GABRB2: variants seen among roughly 807,000 people sequenced by gnomAD.
The protein encoded by GABRB2 is gamma-aminobutyric acid type A receptor subunit beta2, also known as gamma-aminobutyric acid receptor subunit beta-2.
A neutral mutation model predicts 54.7 loss-of-function variants in GABRB2; 16 were observed. That is an observed-to-expected ratio of 0.29 (90% CI 0.20 to 0.44). The LOEUF (loss-of-function observed/expected upper bound fraction) is 0.44. GABRB2 is among the 20% of genes least tolerant of loss of function. The probability of loss-of-function intolerance (pLI) is 1.00; values close to 1 mark genes in which losing one functional copy is unlikely to be tolerated. For synonymous variants in GABRB2, 244 were observed against 233.8 expected, an observed-to-expected ratio of 1.04 and a Z score of -0.40; for missense variants, 355 against 644.0, an observed-to-expected ratio of 0.55 and a Z score of 4.86.
At chr5:161,506,897 G>A (rs1321014834) in intron 3 of GABRB2, among the ~76,000 whole-genome samples, 1 of 152,072 alleles carries the variant, frequency 6.6e-6, no homozygotes, top group Non-Finnish European at 1.5e-5. Context: ...TAGAAAAAAT[G>A]ATTTTCTACC....
chr5:161,319,446 G>GT (rs1321880766), intron 9 of GABRB2, among the ~76,000 whole-genome samples: 9 of 147,824 alleles, frequency 6.1e-5, no homozygotes, highest in African/African-American at 2.2e-4. Context: ...TATATATAAA[G>GT]TTTTTCACCC....
At chr5:161,466,892 G>C (rs1401277548) in intron 3 of GABRB2, among the ~76,000 whole-genome samples, 1 of 151,978 alleles carries the variant, frequency 6.6e-6, no homozygotes, top group Non-Finnish European at 1.5e-5. Flanking sequence ...GCATGGCTAT[G>C]TATATGGGGA....
intron 3 of GABRB2, among the ~76,000 whole-genome samples, chr5:161,508,816 CAT>C (rs1759680815): frequency 6.6e-6 from 1 of 151,964 alleles, no homozygotes; most frequent in Non-Finnish European, 1.5e-5. Flanking sequence ...TAATTGGTTG[CAT>C]ATGTCACATA....
chr5:161,539,643 T>G (rs1413210583), intron 3 of GABRB2, among the ~76,000 whole-genome samples: 1 of 151,992 alleles, frequency 6.6e-6, no homozygotes, highest in Non-Finnish European at 1.5e-5. Flanking sequence ...GCAGCTGGAG[T>G]GGACATTGGG....
rs766478928 is a variant in GABRB2 at position 161,362,551 on chromosome 5, C to T, written c.542-25782G>A. 3.9e-5 allele frequency among the ~76,000 whole-genome samples: 6 copies of T among 152,120 alleles called. No homozygotes were observed. The East Asian group carries it at 9.6e-4, about 24-fold the overall frequency. On this transcript the variant is annotated intron_variant, in intron 5 of 9. Coordinates refer to ENST00000393959, the MANE Select transcript of GABRB2 (RefSeq NM_001371727.1). The stretch of plus-strand genomic sequence containing the variant: ...AATGGGATCTAATTAAACTAAAGAG[C>T]TTCTGCACAGCAAAAGAAACTTTCA...
intron 5 of GABRB2, among the ~76,000 whole-genome samples, chr5:161,369,857 C>A (rs1023045863): frequency 1.3e-5 from 2 of 152,130 alleles, no homozygotes; most frequent in Non-Finnish European, 2.9e-5. Flanking sequence ...TCTTACTGTG[C>A]ATCTAACTTG....
chr5:161,504,631 C>A (rs138137124), intron 3 of GABRB2, among the ~76,000 whole-genome samples: 1 of 150,408 alleles, frequency 6.6e-6, no homozygotes, highest in Admixed American at 6.6e-5. Flanking sequence ...CTAGGATAAA[C>A]CTTAACGAAT....
chr5:161,508,165 T>C (rs1459994147), intron 3 of GABRB2, among the ~76,000 whole-genome samples: 1 of 151,726 alleles, frequency 6.6e-6, no homozygotes, highest in Non-Finnish European at 1.5e-5. Flanking sequence ...AAGAGATTTC[T>C]AGATATAAAC....
chr5:161,511,009 T>A (rs1372767341), intron 3 of GABRB2, among the ~76,000 whole-genome samples: 1 of 152,018 alleles, frequency 6.6e-6, no homozygotes, highest in African/African-American at 2.4e-5. Context: ...AACAGTATTT[T>A]GATTATTTGT....
chr5:161,483,402 G>T (rs745938687), intron 3 of GABRB2, among the ~76,000 whole-genome samples: 13 of 151,930 alleles, frequency 8.6e-5, no homozygotes, highest in Admixed American at 2.6e-4. Flanking sequence ...AATGAATAAA[G>T]AAAAGGATTC....
intron 5 of GABRB2, among the ~76,000 whole-genome samples, chr5:161,406,761 G>C (rs912812642): frequency 1.6e-4 from 24 of 152,182 alleles, no homozygotes; most frequent in Admixed American, 5.2e-4. Flanking sequence ...TTCTGATGCT[G>C]TCACAAAGGG....
intron 4 of GABRB2, among the ~76,000 whole-genome samples, chr5:161,446,432 C>T (rs139009318): frequency 3.4e-4 from 51 of 152,224 alleles, no homozygotes; most frequent in African/African-American, 9.9e-4. Flanking sequence ...TGAATAATTG[C>T]ATTCAGCTAT....
At chr5:161,442,458 C>T (rs1757496250) in intron 4 of GABRB2, among the ~76,000 whole-genome samples, 1 of 152,162 alleles carries the variant, frequency 6.6e-6, no homozygotes, top group South Asian at 2.1e-4. Context: ...GGCCTGTAGC[C>T]ATATGGAAAA....
chr5:161,463,549 TTTTATTTATATATATATATATA>T (rs1461260164), intron 3 of GABRB2, among the ~76,000 whole-genome samples: 53 of 54,488 alleles, frequency 9.7e-4, no homozygotes, highest in East Asian at 9.5e-3. Context: ...TTCCAAATAT[TTTTATTTATATATATATATATA>T]TATATATATA....
intron 5 of GABRB2, among the ~76,000 whole-genome samples, chr5:161,345,562 T>C (rs1258674564): frequency 6.6e-6 from 1 of 152,128 alleles, no homozygotes; most frequent in Non-Finnish European, 1.5e-5. Flanking sequence ...GTTCAAGTTA[T>C]TTCAGTTACT....
Position 161,487,669 on chromosome 5 carries a change from T to A in GABRB2, c.238-27825A>T, listed in dbSNP as rs138983743. ...GCTTATTTATCCTTTCTGTCAGTTTTCTCATCTGTAAAATAGTAACATTAA... is the reference window on the plus strand; with the variant it reads ...GCTTATTTATCCTTTCTGTCAGTTTACTCATCTGTAAAATAGTAACATTAA... On this transcript the variant is annotated intron_variant, in intron 3 of 9. Coordinates refer to ENST00000393959, the MANE Select transcript of GABRB2 (RefSeq NM_001371727.1). 6.6e-5 allele frequency among the ~76,000 whole-genome samples: 10 copies of A among 152,032 alleles called. No individual in the cohort carries two copies. The East Asian group carries it at 1.9e-3, about 30-fold the overall frequency.
At chr5:161,346,057 C>T (rs1240771206) in intron 5 of GABRB2, among the ~76,000 whole-genome samples, 1 of 152,088 alleles carries the variant, frequency 6.6e-6, no homozygotes, top group Non-Finnish European at 1.5e-5. Context: ...TATCCACGCA[C>T]TTGTGTCAGA....
intron 4 of GABRB2, among the ~76,000 whole-genome samples, chr5:161,430,698 T>G (rs900440981): frequency 1.3e-5 from 2 of 152,102 alleles, no homozygotes; most frequent in Admixed American, 1.3e-4. Flanking sequence ...AGAGAAATAT[T>G]GAATTAAGGA....
chr5:161,442,703 C>G (rs1334346783), intron 4 of GABRB2, among the ~76,000 whole-genome samples: 1 of 152,184 alleles, frequency 6.6e-6, no homozygotes, highest in Non-Finnish European at 1.5e-5. Flanking sequence ...CACTGACACT[C>G]AATCTGCTTT....
Sources: gnomAD v4.1 joint callset for allele counts (sites outside exome capture counted in the v4.1 genomes callset) on GRCh38, gnomAD v4.1.1 for gene constraint, MANE v1.5 for transcripts, NCBI Gene and HGNC (gene_info 2026-07-23, HGNC 2026-07-21) for gene names.